The following SFMBT2 variants were observed in gnomAD, a reference collection of about 807,000 sequenced individuals.
The protein encoded by SFMBT2 is scm-like with four MBT domains protein 2.
SFMBT2 carries 38 observed loss-of-function variants against 110.1 expected under a neutral mutation model. The observed-to-expected ratio is 0.35, with a 90% CI of 0.27 to 0.45. The LOEUF is 0.45. Ranked by LOEUF, SFMBT2 falls within the 20% of genes least tolerant of loss-of-function variation. The pLI is 1.00. For missense variants in SFMBT2, 1,011 were observed against 1,094.9 expected (o/e 0.92, Z 1.08); for synonymous variants, 425 against 425.4 (o/e 1.00, Z 0.01).
At chr10:7,252,487 C>G (rs1272004196) in intron 7 of SFMBT2, among the ~76,000 whole-genome samples, 3 of 152,168 alleles carry the variant, frequency 2.0e-5, no homozygotes, top group Non-Finnish European at 4.4e-5. Flanking sequence ...CAATCTCTTC[C>G]TTTTCTCCCA....
rs1180397765 is a variant in SFMBT2, at chr10:7,160,115, T to C, written c.*3655A>G. ...GAACCCAGAAGCCGTGCAGCTCAAA[T>C]ACTGTGTCTGACTCCAACTTGGATC... On this transcript the variant is annotated 3_prime_UTR_variant, in exon 21 of 21. Coordinates refer to ENST00000397167, the MANE Select transcript of SFMBT2 (RefSeq NM_001387889.1). 1 of 152,196 alleles carries C rather than the reference T, an allele frequency of 6.6e-6. No individual in the cohort carries two copies. The highest frequency in any genetic ancestry group is 1.5e-5 in the Non-Finnish European group (1 of 68,032). 9.4% of individuals were successfully genotyped at this position (152,196 alleles called of 1,614,324 possible).
chr10:7,283,179 A>G (rs769524664), intron 6 of SFMBT2, among the ~76,000 whole-genome samples: 2 of 152,260 alleles, frequency 1.3e-5, no homozygotes, highest in Non-Finnish European at 2.9e-5. Flanking sequence ...ATCACCTGGC[A>G]CATAGTAAAC....
intron 11 of SFMBT2, among the ~76,000 whole-genome samples, chr10:7,218,751 TA>T (rs945958537): frequency 6.6e-6 from 1 of 152,160 alleles, no homozygotes; most frequent in Non-Finnish European, 1.5e-5. Flanking sequence ...AAATATACAC[TA>T]AATGTTGTTC....
intron 1 of SFMBT2, among the ~76,000 whole-genome samples, chr10:7,402,849 G>C (rs1198313611): frequency 2.0e-5 from 3 of 152,170 alleles, no homozygotes; most frequent in African/African-American, 7.2e-5. Flanking sequence ...ACTCTAAAAT[G>C]TCCTCATCAG....
At chr10:7,307,296 C>T (rs1473088388) in intron 4 of SFMBT2, among the ~76,000 whole-genome samples, 1 of 151,986 alleles carries the variant, frequency 6.6e-6, no homozygotes, top group Non-Finnish European at 1.5e-5. Context: ...GACCCTATTC[C>T]AATCCAAATC....
intron 2 of SFMBT2, among the ~76,000 whole-genome samples, chr10:7,374,727 G>A (rs1266261743): frequency 6.6e-6 from 1 of 152,148 alleles, no homozygotes; most frequent in Non-Finnish European, 1.5e-5. Flanking sequence ...GTCAGACCTA[G>A]AATGGGATTT....
intron 7 of SFMBT2, among the ~76,000 whole-genome samples, chr10:7,249,821 A>G (rs921303844): frequency 8.5e-5 from 13 of 152,184 alleles, no homozygotes; most frequent in African/African-American, 2.9e-4. Flanking sequence ...CGCCTATAGA[A>G]CTGCATGGAC....
chr10:7,323,512 C>T (rs937581833), intron 4 of SFMBT2, among the ~76,000 whole-genome samples: 7 of 140,102 alleles, frequency 5.0e-5, no homozygotes, highest in Non-Finnish European at 3.1e-5. Flanking sequence ...AAATTCAGGA[C>T]AGCAGTTGCC....
At chr10:7,285,079 A>G (rs1185406301) in intron 5 of SFMBT2, 1 of 152,246 alleles carries the variant, frequency 6.6e-6, no homozygotes, top group Non-Finnish European at 1.5e-5. Context: ...AGGTTAAGAG[A>G]ATATGATACT....
At chr10:7,205,793 C>G (rs754786768) in intron 12 of SFMBT2, 22 bp downstream of exon 12, 5 of 1,609,840 alleles carry the variant, frequency 3.1e-6, no homozygotes, top group African/African-American at 1.3e-5. Context: ...CATCCACCCC[C>G]CCTCAACTGG....
At position 7,346,816 on chromosome 10, in the gene SFMBT2, C is replaced by CAA. The variant is rs34063872; in HGVS notation, c.436+20831_436+20832dup. On this transcript the variant is annotated intron_variant, in intron 4 of 20. Coordinates refer to ENST00000397167, the MANE Select transcript of SFMBT2 (RefSeq NM_001387889.1). ...GAAACCTCCTTCTCTATTAAAGATA[C>CAA]AAAAAAAAAAAAAAAAAAAATTGGC... is the stretch of plus-strand genomic sequence containing the variant. Among the ~76,000 whole-genome samples the CAA allele has an allele frequency of 9.5e-3, 566 of 59,802 alleles. 5 individuals are homozygous for CAA. The highest frequency in any genetic ancestry group is 0.027 in the African/African-American group (522 of 19,430). 39.2% of individuals were successfully genotyped at this position (59,802 alleles called of 152,430 possible).
At chr10:7,245,521 G>A (rs1342366395) in intron 8 of SFMBT2, among the ~76,000 whole-genome samples, 1 of 152,174 alleles carries the variant, frequency 6.6e-6, no homozygotes, top group Non-Finnish European at 1.5e-5. Context: ...TTCCTAAATG[G>A]TCTGAAGCAC....
At chr10:7,348,598 T>C (rs1844196173) in intron 4 of SFMBT2, among the ~76,000 whole-genome samples, 1 of 152,238 alleles carries the variant, frequency 6.6e-6, no homozygotes, top group Non-Finnish European at 1.5e-5. Context: ...GAAATACAGG[T>C]TGGCTACTGT....
At chr10:7,211,022 C>T (rs1300550496) in intron 11 of SFMBT2, among the ~76,000 whole-genome samples, 6 of 152,036 alleles carry the variant, frequency 3.9e-5, no homozygotes, top group African/African-American at 1.2e-4. Flanking sequence ...CTAAGAGATA[C>T]GGGGTGTTTT....
chr10:7,268,862 T>C (rs1395501923), intron 7 of SFMBT2, among the ~76,000 whole-genome samples: 3 of 152,220 alleles, frequency 2.0e-5, no homozygotes, highest in African/African-American at 7.2e-5. Flanking sequence ...GGAAGATTTC[T>C]TTGTGTTCCA....
chr10:7,351,643 A>AC (rs1309220928), intron 4 of SFMBT2, among the ~76,000 whole-genome samples: 1 of 152,214 alleles, frequency 6.6e-6, no homozygotes, highest in Non-Finnish European at 1.5e-5. Flanking sequence ...TACATAAACA[A>AC]TTATATAGCA....
At chr10:7,393,009 A>ATATATATCCCT (rs1845818047) in intron 1 of SFMBT2, among the ~76,000 whole-genome samples, 1 of 87,248 alleles carries the variant, frequency 1.1e-5, no homozygotes, top group Non-Finnish European at 2.1e-5. Context: ...ATATATATAT[A>ATATATATCCCT]TATATATATA....
chr10:7,207,942 C>T (rs1467920508), intron 11 of SFMBT2, among the ~76,000 whole-genome samples: 1 of 152,104 alleles, frequency 6.6e-6, no homozygotes, highest in Non-Finnish European at 1.5e-5. Flanking sequence ...TCAGTCTTAA[C>T]TTTTTAAATG....
intron 2 of SFMBT2, among the ~76,000 whole-genome samples, chr10:7,379,877 T>C (rs545853696): frequency 6.6e-6 from 1 of 152,164 alleles, no homozygotes; most frequent in Non-Finnish European, 1.5e-5. Flanking sequence ...CTTAACGAAA[T>C]GTCGGTACAA....
Sources: allele counts gnomAD v4.1 joint callset (sites outside exome capture counted in the v4.1 genomes callset), GRCh38; gene constraint gnomAD v4.1.1; transcripts MANE v1.5; gene names NCBI Gene and HGNC (gene_info 2026-07-23, HGNC 2026-07-21).